The following PYM1 variants were observed in gnomAD, a reference collection of about 807,000 sequenced individuals.
PYM1 encodes the protein PYM1 exon junction complex associated factor, also known as partner of Y14 and mago.
PYM1 carries 7 observed loss-of-function variants against 20.7 expected under a neutral mutation model. The observed-to-expected ratio is 0.34, with a 90% CI of 0.19 to 0.64. The LOEUF (loss-of-function observed/expected upper bound fraction) is 0.64. PYM1 is among the 30% of genes least tolerant of loss of function. The probability of loss-of-function intolerance (pLI) is 0.74; values close to 1 mark genes in which losing one functional copy is unlikely to be tolerated. For synonymous variants in PYM1, 100 were observed against 99.2 expected (o/e 1.01, Z -0.05); for missense variants, 194 against 250.0 (o/e 0.78, Z 1.51).
chr12:55,902,861 G>A (rs772740719), intron 2 of PYM1, among the ~76,000 whole-genome samples: 6 of 151,442 alleles, frequency 4.0e-5, no homozygotes, highest in South Asian at 2.1e-4. Flanking sequence ...CCCACTTCCC[G>A]GGTTCAAGAG....
chr12:55,903,313 T>C, intron 2 of PYM1, 74 bp downstream of exon 2: 1 of 1,352,398 alleles, frequency 7.4e-7, no homozygotes, highest in Non-Finnish European at 1.0e-6. Flanking sequence ...TCCCTGAACT[T>C]GTAGGCATAA....
intron 1 of PYM1, chr12:55,914,275 C>T (rs1882970140): frequency 1.4e-6 from 1 of 702,090 alleles, no homozygotes; most frequent in South Asian, 1.5e-5. Context: ...CAAAGGAGCA[C>T]CTATTTTATG....
At chr12:55,912,591 GAA>G (rs76842128) in intron 1 of PYM1, among the ~76,000 whole-genome samples, 4 of 133,926 alleles carry the variant, frequency 3.0e-5, no homozygotes, top group Non-Finnish European at 4.9e-5. Context: ...CAAGAGGGGG[GAA>G]AAAAAAAAGG....
chr12:55,907,763 A>AC (rs905362820), intron 1 of PYM1, among the ~76,000 whole-genome samples: 5 of 151,714 alleles, frequency 3.3e-5, no homozygotes, highest in African/African-American at 9.7e-5. Context: ...ACATGGTGAA[A>AC]CCCCATCTCC....
intron 1 of PYM1, among the ~76,000 whole-genome samples, chr12:55,904,791 C>T (rs1383649699): frequency 6.6e-6 from 1 of 151,116 alleles, no homozygotes; most frequent in Non-Finnish European, 1.5e-5. Context: ...GCACGAGAAT[C>T]GCTTGAACCT....
intron 1 of PYM1, among the ~76,000 whole-genome samples, chr12:55,906,577 G>A (rs948125046): frequency 6.6e-6 from 1 of 152,072 alleles, no homozygotes; most frequent in Non-Finnish European, 1.5e-5. Flanking sequence ...GAGTCTCAGG[G>A]ACCCCCTTAA....
intron 2 of PYM1, among the ~76,000 whole-genome samples, chr12:55,902,912 C>T (rs139071984): frequency 1.2e-3 from 187 of 152,278 alleles, no homozygotes; most frequent in African/African-American, 4.3e-3. Flanking sequence ...GGATTACAGG[C>T]TCGTGCCACC....
At chr12:55,903,363 C>G (rs758218551) in intron 2 of PYM1, 24 bp downstream of exon 2, 8 of 1,608,006 alleles carry the variant, frequency 5.0e-6, no homozygotes, top group Non-Finnish European at 6.8e-6. Context: ...TCAGAAAACC[C>G]CTACGCAAAG....
chr12:55,909,316 C>T (rs1882880237), intron 1 of PYM1, among the ~76,000 whole-genome samples: 1 of 152,102 alleles, frequency 6.6e-6, no homozygotes, highest in Admixed American at 6.6e-5. Context: ...CAAACAAAAA[C>T]TCACGCATGG....
At chr12:55,915,161 G>A (rs1483314955) in intron 1 of PYM1, among the ~76,000 whole-genome samples, 1 of 122,078 alleles carries the variant, frequency 8.2e-6, no homozygotes, top group Non-Finnish European at 1.6e-5. Flanking sequence ...GTTGCAGTAA[G>A]CCAAGATCGT....
chr12:55,913,360 G>A (rs1245005887), intron 1 of PYM1, among the ~76,000 whole-genome samples: 5 of 152,170 alleles, frequency 3.3e-5, no homozygotes, highest in Admixed American at 1.3e-4. Flanking sequence ...TCAGGGAAGA[G>A]CAAGAATCCA....
intron 1 of PYM1, among the ~76,000 whole-genome samples, chr12:55,912,969 G>T (rs930558062): frequency 7.2e-6 from 1 of 139,018 alleles, no homozygotes; most frequent in Non-Finnish European, 1.6e-5. Flanking sequence ...CGTCTCAAAA[G>T]AAAAAAAAAA....
At chr12:55,917,954 C>T (rs1883035753) in intron 1 of PYM1, among the ~76,000 whole-genome samples, 1 of 151,764 alleles carries the variant, frequency 6.6e-6, no homozygotes, top group African/African-American at 2.4e-5. Flanking sequence ...AGCAAGACTC[C>T]ATCACAAAAA....
intron 1 of PYM1, among the ~76,000 whole-genome samples, chr12:55,905,934 A>AGATATATATATTATTATATATCTCTAT (rs1565714530): frequency 1.4e-5 from 1 of 70,238 alleles, no homozygotes; most frequent in African/African-American, 6.1e-5. Context: ...TATATATCTA[A>AGATATATATATTATTATATATCTCTAT]TAGATATATA....
At chr12:55,918,104 T>C (rs1883038658) in intron 1 of PYM1, among the ~76,000 whole-genome samples, 1 of 151,770 alleles carries the variant, frequency 6.6e-6, no homozygotes. Flanking sequence ...TTTTTTTTTT[T>C]TTCTTTTTTT....
chr12:55,906,231 C>T (rs1565714635), intron 1 of PYM1, among the ~76,000 whole-genome samples: 2 of 150,734 alleles, frequency 1.3e-5, no homozygotes, highest in Non-Finnish European at 2.9e-5. Context: ...CATCCTACTT[C>T]GGTATGCAGC....
chr12:55,905,030 C>T (rs1001742833), intron 1 of PYM1, among the ~76,000 whole-genome samples: 46 of 151,486 alleles, frequency 3.0e-4, no homozygotes, highest in African/African-American at 1.1e-3. Flanking sequence ...GAGACAGAGT[C>T]TCGCTCTGTC....
At chr12:55,927,494 C>G in intron 1 of PYM1, 1 of 693,160 alleles carries the variant, frequency 1.4e-6, no homozygotes, top group Non-Finnish European at 2.5e-6. Context: ...GGAAGAATAT[C>G]CAGGCTCTGG....
chr12:55,905,686 G>C (rs1323922746), intron 1 of PYM1, among the ~76,000 whole-genome samples: 1 of 140,966 alleles, frequency 7.1e-6, no homozygotes, highest in Non-Finnish European at 1.5e-5. Flanking sequence ...CTGGGTGACA[G>C]AGCGAGACTC....
Sources: gnomAD v4.1 joint callset for allele counts (sites outside exome capture counted in the v4.1 genomes callset) on GRCh38, gnomAD v4.1.1 for gene constraint, MANE v1.5 for transcripts, NCBI Gene and HGNC (gene_info 2026-07-23, HGNC 2026-07-21) for gene names.